TPO: variants seen among roughly 807,000 people sequenced by gnomAD.
TPO encodes the protein thyroid microsomal antigen.
TPO carries 78 observed loss-of-function variants against 96.9 expected under a neutral mutation model. That is an observed-to-expected ratio of 0.81 (90% confidence interval 0.67 to 0.97). TPO has a LOEUF of 0.97. Among genes scored for constraint, TPO ranks in the 50% least tolerant of loss-of-function variants. TPO has a pLI of 0.00. For synonymous variants in TPO, 547 were observed against 538.0 expected, an observed-to-expected ratio of 1.02 and a Z score of -0.23; for missense variants, 1,252 against 1,274.8, an observed-to-expected ratio of 0.98 and a Z score of 0.27.
chr2:1,500,948 G>T (rs1023191175), intron 13 of TPO, among the ~76,000 whole-genome samples: 1 of 149,906 alleles, frequency 6.7e-6, no homozygotes, highest in East Asian at 2.0e-4. Context: ...CTCCAGCCTG[G>T]GCAACAGAGT....
chr2:1,410,323 AAGGCAACATC>A (rs1462260173), upstream of TPO, among the ~76,000 whole-genome samples: 1 of 152,228 alleles, frequency 6.6e-6, no homozygotes, highest in African/African-American at 2.4e-5. Context: ...GCAAGTAAAA[AAGGCAACATC>A]AGGCTGTAGT....
intron 4 of TPO, among the ~76,000 whole-genome samples, chr2:1,435,557 T>G (rs1665484075): frequency 6.6e-6 from 1 of 152,212 alleles, no homozygotes; most frequent in Non-Finnish European, 1.5e-5. Flanking sequence ...CCTCAAAGAT[T>G]TATATAAACC....
chr2:1,391,610 T>A (rs1051676611), intron 1 of TPO, among the ~76,000 whole-genome samples: 7 of 152,256 alleles, frequency 4.6e-5, no homozygotes, highest in African/African-American at 1.4e-4. Flanking sequence ...TTGGGCAGTA[T>A]GGCCATTTTC....
intron 13 of TPO, among the ~76,000 whole-genome samples, chr2:1,496,991 A>C (rs1672421598): frequency 6.6e-6 from 1 of 152,122 alleles, no homozygotes. Flanking sequence ...TGGAATCGTG[A>C]CCAATGGGGT....
chr2:1,449,950 G>T (rs186823784), intron 5 of TPO, among the ~76,000 whole-genome samples: 7 of 152,076 alleles, frequency 4.6e-5, no homozygotes, highest in African/African-American at 1.7e-4. Context: ...AGCAGGAGAC[G>T]GGAAAAATCA....
chr2:1,446,827 T>C (rs1666869467), intron 5 of TPO, among the ~76,000 whole-genome samples: 1 of 152,218 alleles, frequency 6.6e-6, no homozygotes, highest in Admixed American at 6.5e-5. Flanking sequence ...GAAAGAAAAC[T>C]TTTTTGTTAT....
At chr2:1,438,857 A>T in intron 5 of TPO, 2 of 717,494 alleles carry the variant, frequency 2.8e-6, no homozygotes, top group Non-Finnish European at 5.2e-6. Context: ...ACTGCCAACT[A>T]ACCTGTTTAA....
chr2:1,462,411 T>C (rs957878968), intron 7 of TPO, among the ~76,000 whole-genome samples: 16 of 151,948 alleles, frequency 1.1e-4, no homozygotes, highest in Non-Finnish European at 2.4e-4. Context: ...CTTCATTCTA[T>C]AAAGAGCTCT....
intron 7 of TPO, 33 bp from the exon 8 acceptor site, chr2:1,477,053 C>T (rs1396210140): frequency 6.3e-7 from 1 of 1,591,522 alleles, no homozygotes; most frequent in Non-Finnish European, 8.5e-7. Flanking sequence ...GCACGGGGGC[C>T]CTGGGTGACC....
At chr2:1,406,756 C>G (rs1363545597) in intron 1 of TPO, among the ~76,000 whole-genome samples, 1 of 152,208 alleles carries the variant, frequency 6.6e-6, no homozygotes, top group Non-Finnish European at 1.5e-5. Flanking sequence ...AATACAAGCT[C>G]CTGTTCTGCC....
intron 11 of TPO, among the ~76,000 whole-genome samples, chr2:1,495,320 T>C (rs1005130396): frequency 2.0e-5 from 3 of 152,198 alleles, no homozygotes; most frequent in Admixed American, 6.5e-5. Flanking sequence ...ACATGGGAGA[T>C]GCATGCTTTA....
rs28909381 is a variant in TPO at position 1,435,050 on chromosome 2, C to T, written c.350-1202C>T. ...CCAGGTTCACGCCATTCTCCTGCCT[C>T]AGCCTCCTGAGTAACTGGGACTACA... is the stretch of plus-strand genomic sequence containing the variant. On this transcript the variant is annotated intron_variant, in intron 4 of 16. Coordinates refer to ENST00000329066, the MANE Select transcript of TPO (RefSeq NM_001206744.2). Among the ~76,000 whole-genome samples the T allele has an allele frequency of 3.9e-3, 597 of 152,330 alleles. 11 individuals are homozygous for T. The highest frequency in any genetic ancestry group is 0.026 in the Admixed American group (396 of 15,294).
Position 1,456,790 on chromosome 2 carries a change from T to C in TPO, c.819+508T>C, listed in dbSNP as rs1345977600. Among the ~76,000 whole-genome samples, 2 of 17,650 alleles carry C rather than the reference T, an allele frequency of 1.1e-4. 1 individual carries two copies. Among genetic ancestry groups the C allele is most frequent in the African/African-American group, 2.9e-4 (2 of 6,920 alleles). 11.6% of individuals were successfully genotyped at this position (17,650 alleles called of 152,430 possible). ...ATGTATGATACTGTGGGTACACATA[T>C]ATATATAGCATGTATGATAGTGTGT... On this transcript the variant is annotated intron_variant, in intron 7 of 16. Transcript: ENST00000329066.
intron 15 of TPO, among the ~76,000 whole-genome samples, chr2:1,523,167 G>C (rs796429492): frequency 3.2e-5 from 4 of 125,180 alleles, no homozygotes; most frequent in African/African-American, 6.3e-5. Flanking sequence ...CCCCCACACT[G>C]TGTGCAACCT....
intron 5 of TPO, among the ~76,000 whole-genome samples, chr2:1,441,044 A>C (rs1263212256): frequency 6.6e-6 from 1 of 151,918 alleles, no homozygotes; most frequent in African/African-American, 2.4e-5. Flanking sequence ...CTATGTTGGA[A>C]GGGAACAGGG....
intron 7 of TPO, among the ~76,000 whole-genome samples, chr2:1,469,919 G>A (rs565569671): frequency 3.3e-5 from 5 of 152,216 alleles, no homozygotes; most frequent in Admixed American, 3.3e-4. Flanking sequence ...AAAAGTTCAC[G>A]ACGTGAACCT....
intron 7 of TPO, among the ~76,000 whole-genome samples, chr2:1,466,819 TC>T (rs1668940444): frequency 6.6e-6 from 1 of 152,220 alleles, no homozygotes; most frequent in Admixed American, 6.5e-5. Context: ...ATTTATCTTT[TC>T]AAAGAACCAG....
chr2:1,442,880 C>T (rs933358910), intron 5 of TPO, among the ~76,000 whole-genome samples: 1 of 152,124 alleles, frequency 6.6e-6, no homozygotes, highest in African/African-American at 2.4e-5. Flanking sequence ...ACCTTTGAAG[C>T]CCCTTTCTTC....
intron 4 of TPO, among the ~76,000 whole-genome samples, 189 bp downstream of exon 4, chr2:1,433,796 T>C (rs1005970875): frequency 3.3e-5 from 5 of 152,214 alleles, no homozygotes; most frequent in Non-Finnish European, 7.3e-5. Flanking sequence ...ATATCTTATT[T>C]TTGTTACTCT....
Sources: allele counts gnomAD v4.1 joint callset (sites outside exome capture counted in the v4.1 genomes callset), GRCh38; gene constraint gnomAD v4.1.1; transcripts MANE v1.5; gene names NCBI Gene and HGNC (gene_info 2026-07-23, HGNC 2026-07-21).